C10orf90: variants seen among roughly 807,000 people sequenced by gnomAD.
The protein encoded by C10orf90 is (E2-independent) E3 ubiquitin-conjugating enzyme FATS.
In C10orf90, 56 loss-of-function variants were observed where a neutral mutation model predicts 62.5. The observed-to-expected ratio is 0.90, with a 90% CI of 0.72 to 1.12. C10orf90 has a LOEUF of 1.12. Ranked by LOEUF, C10orf90 falls within the 50% of genes most tolerant of loss-of-function variation. C10orf90 has a pLI of 0.00. For missense variants in C10orf90, 970 were observed against 880.4 expected, an observed-to-expected ratio of 1.10 and a Z score of -1.29; for synonymous variants, 386 against 340.4, an observed-to-expected ratio of 1.13 and a Z score of -1.47.
intron 2 of C10orf90, among the ~76,000 whole-genome samples, chr10:126,623,858 A>T (rs895177693): frequency 6.6e-6 from 1 of 151,226 alleles, no homozygotes; most frequent in Non-Finnish European, 1.5e-5. Context: ...AAAAAAAAAA[A>T]GAATGAGAGC....
At chr10:126,517,611 T>G (rs966014998) in intron 2 of C10orf90, among the ~76,000 whole-genome samples, 1 of 152,138 alleles carries the variant, frequency 6.6e-6, no homozygotes, top group African/African-American at 2.4e-5. Context: ...AGGATGACTC[T>G]TAGGAATACA....
chr10:126,614,175 T>C (rs1161077852), intron 2 of C10orf90, among the ~76,000 whole-genome samples: 3 of 152,054 alleles, frequency 2.0e-5, no homozygotes, highest in Non-Finnish European at 4.4e-5. Context: ...AGGGACAGAG[T>C]GAAACCTTAA....
At chr10:126,621,605 T>C (rs111846955) in intron 2 of C10orf90, among the ~76,000 whole-genome samples, 2 of 152,342 alleles carry the variant, frequency 1.3e-5, no homozygotes, top group African/African-American at 4.8e-5. Context: ...TTAATAAATG[T>C]TGATTGTTTA....
intron 2 of C10orf90, among the ~76,000 whole-genome samples, chr10:126,604,620 C>G (rs2134045991): frequency 6.6e-6 from 1 of 152,272 alleles, no homozygotes; most frequent in East Asian, 1.9e-4. Context: ...GGGATTCTTT[C>G]CCCCTCAGGA....
At chr10:126,450,476 A>T (rs563659585) in intron 7 of C10orf90, among the ~76,000 whole-genome samples, 10 of 152,316 alleles carry the variant, frequency 6.6e-5, no homozygotes, top group African/African-American at 2.4e-4. Flanking sequence ...TCAAAACAGC[A>T]TGGTGCTGGC....
chr10:126,611,055 C>T (rs1447724255), intron 2 of C10orf90, among the ~76,000 whole-genome samples: 4 of 152,130 alleles, frequency 2.6e-5, no homozygotes, highest in African/African-American at 4.8e-5. Context: ...AGTATATTCT[C>T]GGAGTTGTTA....
intron 2 of C10orf90, among the ~76,000 whole-genome samples, chr10:126,570,611 GTTTT>G (rs755735841): frequency 2.4e-4 from 37 of 152,266 alleles, no homozygotes; most frequent in Admixed American, 8.5e-4. Context: ...CTCAGAAAGG[GTTTT>G]TTGAGCCATT....
chr10:126,654,481 T>C (rs1400236500), intron 1 of C10orf90, among the ~76,000 whole-genome samples: 3 of 152,236 alleles, frequency 2.0e-5, no homozygotes, highest in Non-Finnish European at 4.4e-5. Context: ...TCAGGCTTCA[T>C]AGAATTATGG....
intron 2 of C10orf90, among the ~76,000 whole-genome samples, chr10:126,602,681 G>A (rs1177020403): frequency 6.6e-6 from 1 of 151,992 alleles, no homozygotes; most frequent in Non-Finnish European, 1.5e-5. Flanking sequence ...TGATAGTAGA[G>A]GCAATTTAAC....
At chr10:126,615,845 T>C (rs894911803) in intron 2 of C10orf90, among the ~76,000 whole-genome samples, 2 of 152,208 alleles carry the variant, frequency 1.3e-5, no homozygotes, top group Non-Finnish European at 2.9e-5. Flanking sequence ...ATATATCCTA[T>C]GATCCCTCAC....
chr10:126,579,275 CTTTTTT>C (rs35287358), intron 2 of C10orf90, among the ~76,000 whole-genome samples: 1 of 124,590 alleles, frequency 8.0e-6, no homozygotes, highest in African/African-American at 3.7e-5. Context: ...TTCTTTCTTT[CTTTTTT>C]TTTTTTTTTG....
intron 1 of C10orf90, among the ~76,000 whole-genome samples, chr10:126,649,072 C>CTCTCTCTCT (rs1445649784): frequency 2.0e-5 from 1 of 49,892 alleles, no homozygotes; most frequent in Admixed American, 2.0e-4. Flanking sequence ...CTCTCTCTCT[C>CTCTCTCTCT]CCCCCCCCCC....
chr10:126,524,883 T>A, intron 2 of C10orf90: 1 of 946,278 alleles, frequency 1.1e-6, no homozygotes, highest in Non-Finnish European at 1.3e-6. Context: ...ATTATTTCCA[T>A]CACTATGTAC....
At position 126,569,601 on chromosome 10, in the gene C10orf90, G is replaced by A. The variant is rs774253583; in HGVS notation, c.314-55662C>T. Among the ~76,000 whole-genome samples, 10 of 152,152 alleles carry A rather than the reference G, an allele frequency of 6.6e-5. No homozygotes were observed. In the South Asian group the frequency reaches 8.3e-4, roughly 13 times the overall value. ...CATTTTTGTAAAGAGATGAGAAAAC[G>A]AAAAATTAGAAGCAGAAGCCAGGGT... On this transcript the variant is annotated intron_variant, in intron 2 of 9. Coordinates refer to ENST00000488181, the MANE Select transcript of C10orf90 (RefSeq NM_001350921.2).
In C10orf90 at chr10:126,504,653, C is replaced by T. The variant is rs1442527134; in HGVS notation, c.838G>A (p.Gly280Ser). Residue 280 changes from glycine (G) to serine (S), a missense_variant, in exon 4 of 10, where the codon GGC becomes AGC. Gly to Ser is a moderately conservative substitution (Grantham distance 56, BLOSUM62 0). Transcript: ENST00000488181. This position sits in a 1 kb window ranked among gnomAD's most constrained non-coding sequence, Gnocchi z 4.1. ...CTCTGATGCCGACCTGGATGGGCGC[C>T]ATTGGCCAGAGCCGGGGGCGCCTGG... ...LFQAPPALAN[G>S]AHPGRHQRSF... is the part of the protein sequence containing the mutation. 3 of 1,614,098 alleles carry T rather than the reference C, an allele frequency of 1.9e-6. No individual in the cohort carries two copies. Among genetic ancestry groups the T allele is most frequent in the East Asian group, 4.5e-5 (2 of 44,876 alleles).
chr10:126,428,313 A>G (rs1213221140), intron 8 of C10orf90, among the ~76,000 whole-genome samples: 1 of 152,018 alleles, frequency 6.6e-6, no homozygotes, highest in Non-Finnish European at 1.5e-5. Flanking sequence ...GGGAACAGGG[A>G]GGGGAACTGC....
intron 8 of C10orf90, among the ~76,000 whole-genome samples, chr10:126,429,565 C>T (rs990337580): frequency 1.3e-5 from 2 of 152,196 alleles, no homozygotes; most frequent in East Asian, 3.9e-4. Context: ...GAATCCAAGA[C>T]CTACCACTTT....
At chr10:126,609,405 A>C (rs144158226) in intron 2 of C10orf90, among the ~76,000 whole-genome samples, 19 of 152,334 alleles carry the variant, frequency 1.2e-4, no homozygotes, top group Admixed American at 4.6e-4. Flanking sequence ...CTCCATCTCA[A>C]AAAACAAAAA....
intron 1 of C10orf90, among the ~76,000 whole-genome samples, chr10:126,656,978 A>G (rs1033909511): frequency 5.3e-5 from 8 of 152,220 alleles, no homozygotes; most frequent in Non-Finnish European, 5.9e-5. Flanking sequence ...TCACTGTCCA[A>G]CAAAAGAACC....
Sources: allele counts gnomAD v4.1 joint callset (sites outside exome capture counted in the v4.1 genomes callset), GRCh38; gene constraint gnomAD v4.1.1; non-coding constraint Gnocchi (gnomAD v3.1); transcripts MANE v1.5; gene names NCBI Gene and HGNC (gene_info 2026-07-23, HGNC 2026-07-21).